FAT1: variants seen among roughly 807,000 people sequenced by gnomAD.
FAT1 encodes FAT atypical cadherin 1.
In FAT1, 171 loss-of-function variants were observed where a neutral mutation model predicts 329.8. The observed-to-expected ratio is 0.52, with a 90% CI of 0.46 to 0.59. FAT1 has a LOEUF of 0.59. FAT1 is among the 20% of genes least tolerant of loss of function. FAT1 has a pLI of 0.00. For missense variants in FAT1, 5,672 were observed against 5,774.4 expected (o/e 0.98, Z 0.57); for synonymous variants, 2,233 against 2,228.6 (o/e 1.00, Z -0.06).
At chr4:186,640,743 C>T (rs1368006065) in intron 3 of FAT1, among the ~76,000 whole-genome samples, 1 of 152,192 alleles carries the variant, frequency 6.6e-6, no homozygotes, top group Non-Finnish European at 1.5e-5. Context: ...CAACTGTCTG[C>T]ATATTTTGGA....
At chr4:186,688,428 T>C (rs1231820501) in intron 2 of FAT1, among the ~76,000 whole-genome samples, 2 of 152,150 alleles carry the variant, frequency 1.3e-5, no homozygotes, top group Non-Finnish European at 2.9e-5. Flanking sequence ...GCGGACCCCA[T>C]GTGGTCCTTT....
At position 186,618,550 on chromosome 4, in the gene FAT1, C is replaced by G. The variant is rs751303040; in HGVS notation, c.8036G>C (p.Gly2679Ala). 1.1e-4 allele frequency: 185 copies of G among 1,613,890 alleles called. No individual in the cohort carries two copies. The highest frequency in any genetic ancestry group is 1.1e-4 in the Non-Finnish European group (134 of 1,179,904). Residue 2679 changes from glycine (G) to alanine (A), a missense_variant, in exon 10 of 27, where the codon GGG becomes GCG. Gly to Ala is a moderately conservative substitution (Grantham distance 60). Coordinates refer to ENST00000441802, the MANE Select transcript of FAT1 (RefSeq NM_005245.4). ...FTFFVRAVDNGSPSKESVVLV... is the reference protein window; with the variant it reads ...FTFFVRAVDNASPSKESVVLV... ...AACAACAGATTCTTTTGATGGAGAC[C>G]CATTATCCACAGCTCTAACAAAGAA...
chr4:186,721,924 C>T (rs920765726), intron 1 of FAT1, among the ~76,000 whole-genome samples: 2 of 152,148 alleles, frequency 1.3e-5, no homozygotes, highest in African/African-American at 2.4e-5. Flanking sequence ...CCACAACCTC[C>T]GCCTCCCGGG....
intron 13 of FAT1, 38 bp downstream of exon 13, chr4:186,613,071 A>T (rs1431686744): frequency 7.0e-7 from 1 of 1,424,728 alleles, no homozygotes; most frequent in South Asian, 1.2e-5. Flanking sequence ...CTAGGATCTC[A>T]GTGAGCAGCG....
chr4:186,708,110 T>C lies in FAT1; in HGVS notation c.1718A>G (p.Asn573Ser), dbSNP rs775273059. 26 of 1,613,856 alleles carry C rather than the reference T, an allele frequency of 1.6e-5. No individual in the cohort carries two copies. In the African/African-American group the frequency reaches 1.7e-4, roughly 11 times the overall value. The change falls in exon 2 of 27, where the codon AAT (asparagine) becomes AGT (serine). Residue 573 changes from asparagine to serine, a missense_variant. Asn to Ser is a conservative substitution (Grantham distance 46). Coordinates refer to ENST00000441802, the MANE Select transcript of FAT1 (RefSeq NM_005245.4). ...ATCTCTGGGAATTGTCCCTTCACAA[T>C]TTATTTTCTCAAACAAAGGTGTGTT... The part of the protein sequence containing the change: ...NDNTPLFEKI[N>S]CEGTIPRDLG...
chr4:186,711,134 C>T (rs576768432), intron 1 of FAT1, among the ~76,000 whole-genome samples: 1 of 152,262 alleles, frequency 6.6e-6, no homozygotes, highest in Non-Finnish European at 1.5e-5. Context: ...GGTTTGACAG[C>T]CCAGTTGAAA....
intron 1 of FAT1, among the ~76,000 whole-genome samples, chr4:186,710,317 G>GA (rs1181818100): frequency 2.0e-5 from 3 of 151,802 alleles, no homozygotes; most frequent in African/African-American, 4.8e-5. Context: ...AACTAATTCA[G>GA]AAAAAAACAA....
intron 2 of FAT1, among the ~76,000 whole-genome samples, chr4:186,695,507 T>C (rs1318788272): frequency 1.3e-5 from 2 of 152,198 alleles, no homozygotes; most frequent in East Asian, 1.9e-4. Flanking sequence ...AAAGGACAAA[T>C]TTAAAAGGGC....
intron 16 of FAT1, among the ~76,000 whole-genome samples, chr4:186,608,848 G>A (rs1425384475): frequency 2.0e-5 from 3 of 152,092 alleles, no homozygotes; most frequent in Non-Finnish European, 2.9e-5. Context: ...ATTCCTCGCT[G>A]GAAATTCCCT....
intron 17 of FAT1, among the ~76,000 whole-genome samples, chr4:186,605,736 G>A (rs968679700): frequency 6.7e-6 from 1 of 149,346 alleles, no homozygotes; most frequent in African/African-American, 2.5e-5. Context: ...GAAGGATTGG[G>A]GGCTAGAAGA....
At chr4:186,594,911 A>G (rs1738429457) in intron 26 of FAT1, among the ~76,000 whole-genome samples, 1 of 151,940 alleles carries the variant, frequency 6.6e-6, no homozygotes, top group Non-Finnish European at 1.5e-5. Flanking sequence ...TAAACGTATT[A>G]CGTTTATACA....
At chr4:186,614,987 T>C (rs187408633) in intron 11 of FAT1, among the ~76,000 whole-genome samples, 135 of 122,186 alleles carry the variant, frequency 1.1e-3, no homozygotes, top group Admixed American at 1.8e-3. Context: ...ATGCCATAAA[T>C]TAAAACCTAA....
rs772057254 is a variant in FAT1 at position 186,709,403 on chromosome 4, G to C, written c.425C>G (p.Thr142Arg). The C allele has an allele frequency of 6.2e-7, 1 of 1,613,890 alleles. No individual in the cohort carries two copies. The highest frequency in any genetic ancestry group is 1.7e-5 in the Admixed American group (1 of 60,000). The change falls in exon 2 of 27, where the codon ACA (threonine) becomes AGA (arginine). Residue 142 changes from threonine (T) to arginine (R), a missense_variant. Thr to Arg is a moderately conservative substitution (Grantham distance 71). Transcript: ENST00000441802. ...TGAGAATAACGGTCTCAAGTCATTT[G>C]TATCCAGCACCTGCACCCTGACCTT... ...RTKVRVQVLD[T>R]NDLRPLFSPT...
upstream of FAT1, among the ~76,000 whole-genome samples, chr4:186,725,824 T>G (rs1745700688): frequency 6.6e-6 from 1 of 152,178 alleles, no homozygotes; most frequent in Admixed American, 6.5e-5. The surrounding 1 kb of genome is among the most constrained non-coding windows in gnomAD (Gnocchi z 5.4). Flanking sequence ...AACAAAACGC[T>G]TTCCTCCAGC....
chr4:186,604,644 A>C (rs1739006651), intron 17 of FAT1, 70 bp from the exon 18 acceptor site: 2 of 975,038 alleles, frequency 2.1e-6, no homozygotes, highest in Admixed American at 2.7e-5. Context: ...GGACAGACAC[A>C]TGAGTTTTCT....
chr4:186,625,949 A>G (rs1376164730), intron 9 of FAT1, among the ~76,000 whole-genome samples: 1 of 152,024 alleles, frequency 6.6e-6, no homozygotes, highest in African/African-American at 2.4e-5. Context: ...CAGCCCACAG[A>G]ATGAATGAAT....
chr4:186,635,601 C>G lies in FAT1; in HGVS notation c.4183+424G>C, dbSNP rs368331707. On this transcript the variant is annotated intron_variant, in intron 6 of 26. Coordinates refer to ENST00000441802, the MANE Select transcript of FAT1 (RefSeq NM_005245.4). ...TAAATATTGACATGTGACAGTCACA[C>G]AGGCATAGTTACTTTAAATGTTCCA... Among the ~76,000 whole-genome samples, 29 of 152,240 alleles carry G rather than the reference C, an allele frequency of 1.9e-4. No homozygotes were observed. In the East Asian group the frequency reaches 3.7e-3, roughly 19 times the overall value.
rs199518914 is a variant in FAT1, at chr4:186,606,167, G to A, written c.10253C>T (p.Pro3418Leu). The A allele has an allele frequency of 7.3e-5, 117 of 1,613,098 alleles. 1 individual carries two copies. Among genetic ancestry groups the A allele is most frequent in the Admixed American group, 1.2e-4 (7 of 59,902 alleles). Residue 3418 changes from proline (P) to leucine (L), a missense_variant, in exon 17 of 27, where the codon CCA becomes CTA. Transcript: ENST00000441802. ...CACGGTCGTCGTGTTGACTCTGGGT[G>A]GACTGCCATTATCAGAAGCTTGAAC... is the stretch of plus-strand genomic sequence containing the variant. ...LTVQASDNGS[P>L]PRVNTTTVNI...
In FAT1 at chr4:186,589,239, A is replaced by G. The variant is rs779286851; in HGVS notation, c.13139-19T>C. 25 of 1,582,300 alleles carry G rather than the reference A, an allele frequency of 1.6e-5. No homozygotes were observed. In the African/African-American group the frequency reaches 2.4e-4, roughly 15 times the overall value. On this transcript the variant is annotated intron_variant, in intron 26 of 26. Coordinates refer to ENST00000441802, the MANE Select transcript of FAT1 (RefSeq NM_005245.4). ...TGATACCCTTGGTGGAAAAGAAAAC[A>G]GATGTCAGTGTGTTTTCTCCTAAGC...
Sources: allele counts gnomAD v4.1 joint callset (sites outside exome capture counted in the v4.1 genomes callset), GRCh38; gene constraint gnomAD v4.1.1; non-coding constraint Gnocchi (gnomAD v3.1); transcripts MANE v1.5; gene names NCBI Gene and HGNC (gene_info 2026-07-23, HGNC 2026-07-21).